The following TBC1D4 variants were observed in gnomAD, a reference collection of about 807,000 sequenced individuals.
TBC1D4 encodes TBC (Tre-2, BUB2, CDC16) domain-containing protein.
TBC1D4 carries 121 observed loss-of-function variants against 142.5 expected under a neutral mutation model. That is an observed-to-expected ratio of 0.85 (90% confidence interval 0.73 to 0.99). The LOEUF (loss-of-function observed/expected upper bound fraction) is 0.99, where lower values mean the gene tolerates loss of function less well. Ranked by LOEUF, TBC1D4 falls within the 50% of genes least tolerant of loss-of-function variation. TBC1D4 has a pLI of 0.00. For synonymous variants in TBC1D4, 630 were observed against 628.2 expected (o/e 1.00, Z -0.04); for missense variants, 1,475 against 1,606.6 (o/e 0.92, Z 1.40).
At chr13:75,399,551 G>A (rs558243136) in intron 1 of TBC1D4, among the ~76,000 whole-genome samples, 221 of 152,278 alleles carry the variant, frequency 1.5e-3, no homozygotes, top group African/African-American at 5.1e-3. Flanking sequence ...ACACCCCCAC[G>A]TGATTTAATG....
intron 1 of TBC1D4, among the ~76,000 whole-genome samples, chr13:75,383,650 T>C (rs562975849): frequency 6.6e-6 from 1 of 152,294 alleles, no homozygotes; most frequent in East Asian, 1.9e-4. Flanking sequence ...TTATTGTTGC[T>C]AATTTCTTGC....
rs182612835 is a variant in TBC1D4, at chr13:75,452,741, A to T, written c.498+28529T>A. Among the ~76,000 whole-genome samples, 414 of 152,338 alleles carry T rather than the reference A, an allele frequency of 2.7e-3. 2 individuals carry two copies. Among genetic ancestry groups the T allele is most frequent in the African/African-American group, 9.3e-3 (385 of 41,570 alleles). ...ATCATAAAAGGCTTCAATCCCTGAT[A>T]TATGAGTGATACGGAGGAGTGAAGT... On this transcript the variant is annotated intron_variant, in intron 1 of 20. Coordinates refer to ENST00000377636, the MANE Select transcript of TBC1D4 (RefSeq NM_014832.5).
rs1383227108 is a variant in TBC1D4 at position 75,283,559 on chromosome 13, A to ATATAAAACATTT, written c.*3232_*3233insAAATGTTTTATA. Among the ~76,000 whole-genome samples, 6 of 152,218 alleles carry ATATAAAACATTT rather than the reference A, an allele frequency of 3.9e-5. No homozygotes were observed. The South Asian group carries it at 8.3e-4, about 21-fold the overall frequency. Reference sequence around the variant, plus strand: ...GAATACTCCAAGAGATGCATATTTTATATAAAAACATTCATATCACATCCA... The same window carrying ATATAAAACATTT: ...GAATACTCCAAGAGATGCATATTTTATATAAAACATTTTATAAAAACATTCATATCACATCCA... On this transcript the variant is annotated 3_prime_UTR_variant, in exon 21 of 21. Coordinates refer to ENST00000377636, the MANE Select transcript of TBC1D4 (RefSeq NM_014832.5).
At chr13:75,462,162 CATT>C in intron 1 of TBC1D4, among the ~76,000 whole-genome samples, 1 of 152,208 alleles carries the variant, frequency 6.6e-6, no homozygotes, top group South Asian at 2.1e-4. Context: ...ATGCCATCAC[CATT>C]ATTATATTAT....
intron 8 of TBC1D4, among the ~76,000 whole-genome samples, chr13:75,336,640 C>T (rs1210465799): frequency 6.6e-6 from 1 of 152,044 alleles, no homozygotes; most frequent in Admixed American, 6.6e-5. Flanking sequence ...ACTCGAGAGG[C>T]TGAGGCAGGA....
chr13:75,311,609 C>G (rs1451152790), intron 13 of TBC1D4, among the ~76,000 whole-genome samples: 1 of 152,016 alleles, frequency 6.6e-6, no homozygotes, highest in Non-Finnish European at 1.5e-5. Flanking sequence ...TTAACTGCTC[C>G]CTAGATCCGT....
chr13:75,306,463 C>G lies in TBC1D4; in HGVS notation c.2602G>C (p.Asp868His). Residue 868 changes from aspartate (D) to histidine (H), a missense_variant, in exon 15 of 21, where the codon GAT becomes CAT. Transcript: ENST00000377636. The part of the protein sequence containing the change: ...KENQKLEASR[D>H]ELQSRKVKLD... Reference sequence around the variant, plus strand: ...TTAACTTTTCTGGACTGGAGTTCATCTCTGCTTGCTAAGGAAAAAAACAAT... The same window carrying G: ...TTAACTTTTCTGGACTGGAGTTCATGTCTGCTTGCTAAGGAAAAAAACAAT... 6.2e-7 allele frequency: 1 copy of G among 1,613,106 alleles called. No individual in the cohort carries two copies. The highest frequency in any genetic ancestry group is 8.5e-7 in the Non-Finnish European group (1 of 1,179,840).
At chr13:75,418,500 A>T (rs1213231507) in intron 1 of TBC1D4, among the ~76,000 whole-genome samples, 1 of 152,192 alleles carries the variant, frequency 6.6e-6, no homozygotes, top group Non-Finnish European at 1.5e-5. Flanking sequence ...TAAACAATGA[A>T]GGGCATACAT....
chr13:75,474,645 C>T (rs552685306), intron 1 of TBC1D4, among the ~76,000 whole-genome samples: 705 of 58,912 alleles, frequency 0.012, 4 homozygotes, highest in African/African-American at 0.026. Flanking sequence ...AATAATTTAA[C>T]CTTTTTTTTT....
intron 1 of TBC1D4, among the ~76,000 whole-genome samples, chr13:75,404,614 C>G (rs1237754161): frequency 6.6e-6 from 1 of 152,056 alleles, no homozygotes; most frequent in Non-Finnish European, 1.5e-5. Context: ...TGTAAAGTGC[C>G]ATTTCTAACA....
At chr13:75,407,222 A>G (rs1247937715) in intron 1 of TBC1D4, among the ~76,000 whole-genome samples, 1 of 152,338 alleles carries the variant, frequency 6.6e-6, no homozygotes, top group East Asian at 1.9e-4. Flanking sequence ...TTCCAAGAAT[A>G]TTTATCTGAG....
At chr13:75,455,763 G>A (rs185763531) in intron 1 of TBC1D4, among the ~76,000 whole-genome samples, 15 of 151,878 alleles carry the variant, frequency 9.9e-5, no homozygotes, top group Non-Finnish European at 1.5e-4. Flanking sequence ...TCAAAAAACC[G>A]AAGAGTCTCC....
intron 16 of TBC1D4, among the ~76,000 whole-genome samples, chr13:75,301,258 A>G (rs1006468048): frequency 2.0e-5 from 3 of 152,166 alleles, no homozygotes; most frequent in Non-Finnish European, 4.4e-5. Context: ...TTTTTAAATA[A>G]TAAAGTATGT....
chr13:75,393,159 A>ACT, intron 1 of TBC1D4, among the ~76,000 whole-genome samples: 1 of 144,918 alleles, frequency 6.9e-6, no homozygotes, highest in East Asian at 2.1e-4. Context: ...ACACACACTC[A>ACT]GTCTTTGTTT....
chr13:75,373,285 C>T (rs1252269636), intron 1 of TBC1D4, among the ~76,000 whole-genome samples: 1 of 152,216 alleles, frequency 6.6e-6, no homozygotes, highest in African/African-American at 2.4e-5. Context: ...ATTCACCTTG[C>T]AGATGAAAAT....
At chr13:75,393,633 G>T (rs944913312) in intron 1 of TBC1D4, among the ~76,000 whole-genome samples, 1 of 152,014 alleles carries the variant, frequency 6.6e-6, no homozygotes, top group African/African-American at 2.4e-5. Flanking sequence ...TTTTTTAAAT[G>T]ATATAAAAAA....
At chr13:75,358,807 T>C (rs1401196732) in intron 3 of TBC1D4, among the ~76,000 whole-genome samples, 1 of 152,152 alleles carries the variant, frequency 6.6e-6, no homozygotes, top group Admixed American at 6.5e-5. Context: ...AAGGCTGTAA[T>C]GAGCCATGAT....
intron 1 of TBC1D4, among the ~76,000 whole-genome samples, chr13:75,368,237 C>T (rs1243907144): frequency 6.6e-6 from 1 of 152,108 alleles, no homozygotes; most frequent in Non-Finnish European, 1.5e-5. Context: ...ATCACCGGTC[C>T]CCACTGTCTT....
intron 5 of TBC1D4, among the ~76,000 whole-genome samples, chr13:75,344,406 A>C (rs959327553): frequency 2.0e-5 from 3 of 152,180 alleles, no homozygotes; most frequent in Non-Finnish European, 4.4e-5. Flanking sequence ...GCTGGAGTTT[A>C]TTTCTTTCAA....
Sources: gnomAD v4.1 joint callset for allele counts (sites outside exome capture counted in the v4.1 genomes callset) on GRCh38, gnomAD v4.1.1 for gene constraint, MANE v1.5 for transcripts, NCBI Gene and HGNC (gene_info 2026-07-23, HGNC 2026-07-21) for gene names.